The following PCP4L1 variants were observed in gnomAD, a reference collection of about 807,000 sequenced individuals.
PCP4L1 encodes the protein Purkinje cell protein 4 like 1, also known as Purkinje cell protein 4-like protein 1.
In PCP4L1, 9 loss-of-function variants were observed where a neutral mutation model predicts 9.6. That is an observed-to-expected ratio of 0.94 (90% CI 0.57 to 1.64). PCP4L1 has a LOEUF of 1.64. PCP4L1 is among the 40% of genes most tolerant of loss of function. The probability of loss-of-function intolerance (pLI) is 0.00; values close to 1 mark genes in which losing one functional copy is unlikely to be tolerated. For synonymous variants in PCP4L1, 31 were observed against 28.2 expected, an observed-to-expected ratio of 1.10 and a Z score of -0.31; for missense variants, 81 against 80.8, an observed-to-expected ratio of 1.00 and a Z score of -0.01.
intron 1 of PCP4L1, among the ~76,000 whole-genome samples, chr1:161,262,753 A>G (rs1025849363): frequency 6.6e-6 from 1 of 152,196 alleles, no homozygotes; most frequent in Admixed American, 6.6e-5. Context: ...ATGTCTGCCT[A>G]TGGAGGGTCT....
At chr1:161,281,913 G>A (rs12354264) in intron 1 of PCP4L1, among the ~76,000 whole-genome samples, 14 of 151,938 alleles carry the variant, frequency 9.2e-5, no homozygotes, top group Middle Eastern at 6.8e-3. Flanking sequence ...GATGGCGGCC[G>A]GGAAGAGGCG....
At chr1:161,265,049 A>C (rs2102232007) in intron 1 of PCP4L1, among the ~76,000 whole-genome samples, 1 of 152,304 alleles carries the variant, frequency 6.6e-6, no homozygotes, top group East Asian at 1.9e-4. Context: ...GAGTGAAGGA[A>C]GTAGGGAGCC....
At chr1:161,271,009 G>T (rs1209488635) in intron 1 of PCP4L1, among the ~76,000 whole-genome samples, 1 of 152,080 alleles carries the variant, frequency 6.6e-6, no homozygotes, top group African/African-American at 2.4e-5. Flanking sequence ...TCCAGTTTTT[G>T]GCAATTACAA....
At chr1:161,262,433 CAA>C (rs539872397) in intron 1 of PCP4L1, among the ~76,000 whole-genome samples, 2 of 63,154 alleles carry the variant, frequency 3.2e-5, no homozygotes, top group African/African-American at 5.7e-5. Context: ...GACTCCATCT[CAA>C]AAAAAAAAAA....
chr1:161,263,937 TCTCA>T (rs1669464053), intron 1 of PCP4L1, among the ~76,000 whole-genome samples: 2 of 119,154 alleles, frequency 1.7e-5, no homozygotes, highest in Non-Finnish European at 3.3e-5. Context: ...TGAGATGGAG[TCTCA>T]CTCTGTCGCC....
chr1:161,277,402 A>G (rs888930169), intron 1 of PCP4L1, among the ~76,000 whole-genome samples: 1 of 152,150 alleles, frequency 6.6e-6, no homozygotes, highest in African/African-American at 2.4e-5. Flanking sequence ...ACTGTTTTCT[A>G]TTGTGTGATT....
intron 1 of PCP4L1, among the ~76,000 whole-genome samples, chr1:161,265,042 T>C (rs1486426251): frequency 6.6e-6 from 1 of 151,872 alleles, no homozygotes; most frequent in African/African-American, 2.4e-5. Flanking sequence ...CTGATAGGAG[T>C]GAAGGAAGTA....
Position 161,258,853 on chromosome 1 carries a change from C to A in PCP4L1, c.-122C>A, listed in dbSNP as rs1669365551. 10 of 1,424,938 alleles carry A rather than the reference C, an allele frequency of 7.0e-6. No individual in the cohort carries two copies. The highest frequency in any genetic ancestry group is 9.6e-6 in the Non-Finnish European group (10 of 1,047,110). 88.3% of individuals were successfully genotyped at this position (1,424,938 alleles called of 1,614,324 possible). ...CGGCTCTCCGCACTAACTCTCCTCT[C>A]CTGGTCAGCTGTAACCCCTGCCGCA... On this transcript the variant is annotated 5_prime_UTR_variant, in exon 1 of 3. Coordinates refer to ENST00000504449, the MANE Select transcript of PCP4L1 (RefSeq NM_001102566.2).
intron 1 of PCP4L1, among the ~76,000 whole-genome samples, chr1:161,267,648 A>G (rs1571793098): frequency 6.6e-6 from 1 of 152,210 alleles, no homozygotes; most frequent in East Asian, 1.9e-4. Flanking sequence ...TGGCAGCAGG[A>G]AAACAGCACC....
chr1:161,259,331 C>G (rs1460181652), intron 1 of PCP4L1, among the ~76,000 whole-genome samples: 1 of 152,078 alleles, frequency 6.6e-6, no homozygotes, highest in African/African-American at 2.4e-5. Flanking sequence ...CTCCCCTTAC[C>G]CCCCTCACTT....
intron 1 of PCP4L1, among the ~76,000 whole-genome samples, chr1:161,276,779 CATATAA>C (rs1345429093): frequency 2.7e-5 from 4 of 149,628 alleles, no homozygotes; most frequent in Non-Finnish European, 5.9e-5. Flanking sequence ...AAAAAATATA[CATATAA>C]ATATAAACAC....
intron 1 of PCP4L1, among the ~76,000 whole-genome samples, chr1:161,263,968 G>A (rs1188060035): frequency 2.1e-5 from 3 of 141,076 alleles, no homozygotes; most frequent in Non-Finnish European, 4.5e-5. Context: ...GGAGTGCAGT[G>A]GCGCCATTTT....
intron 1 of PCP4L1, among the ~76,000 whole-genome samples, chr1:161,280,890 G>C (rs938174283): frequency 2.0e-5 from 3 of 151,890 alleles, no homozygotes; most frequent in Non-Finnish European, 4.4e-5. Context: ...TTCTCGCAGA[G>C]GGGGATTTGG....
At chr1:161,284,313 T>TTA (rs1456835068) in intron 2 of PCP4L1, 26 bp from the exon 3 acceptor site, 1 of 1,613,956 alleles carries the variant, frequency 6.2e-7, no homozygotes, top group Non-Finnish European at 8.5e-7. Context: ...GATTAACTCA[T>TTA]TAATGAGTCT....
intron 1 of PCP4L1, among the ~76,000 whole-genome samples, chr1:161,263,023 G>A (rs1436573575): frequency 1.3e-5 from 2 of 152,040 alleles, no homozygotes; most frequent in African/African-American, 4.8e-5. Flanking sequence ...TTAGTGATGC[G>A]ATTTTAGATT....
Position 161,272,558 on chromosome 1 carries a change from CAAAA to C in PCP4L1, c.10-11093_10-11090del, listed in dbSNP as rs551047419. Among the ~76,000 whole-genome samples, 303 of 71,846 alleles carry C rather than the reference CAAAA, an allele frequency of 4.2e-3. 2 individuals carry two copies. Among genetic ancestry groups the C allele is most frequent in the Admixed American group, 0.025 (164 of 6,456 alleles). The allele number at this position is 71,846 out of a possible 152,430, so 47.1% of individuals were successfully genotyped here. A position where few individuals can be genotyped will look rare whatever the true frequency, so the allele number is the denominator to read the frequency against. ...GGGCAACAAAAGCGAAACTCCGTCTCAAAAAAAAAAAAAAAAAAAATTGGTATTC... is the reference window on the plus strand; with the variant it reads ...GGGCAACAAAAGCGAAACTCCGTCTCAAAAAAAAAAAAAAAATTGGTATTC... On this transcript the variant is annotated intron_variant, in intron 1 of 2. Coordinates refer to ENST00000504449, the MANE Select transcript of PCP4L1 (RefSeq NM_001102566.2).
chr1:161,267,620 G>A (rs991978148), intron 1 of PCP4L1, among the ~76,000 whole-genome samples: 4 of 152,202 alleles, frequency 2.6e-5, no homozygotes, highest in Non-Finnish European at 4.4e-5. Flanking sequence ...GAGTTATAGG[G>A]GATCTGTTCC....
intron 1 of PCP4L1, among the ~76,000 whole-genome samples, chr1:161,260,442 C>T (rs1275507887): frequency 6.6e-6 from 1 of 152,128 alleles, no homozygotes; most frequent in African/African-American, 2.4e-5. Context: ...TTTTCTTTGC[C>T]CCTTTTCACT....
chr1:161,275,176 G>A (rs1669678138), intron 1 of PCP4L1, among the ~76,000 whole-genome samples: 1 of 152,152 alleles, frequency 6.6e-6, no homozygotes, highest in Admixed American at 6.6e-5. Context: ...CTGCTGATAT[G>A]AGAAGGAATG....
Sources: allele counts gnomAD v4.1 joint callset (sites outside exome capture counted in the v4.1 genomes callset), GRCh38; gene constraint gnomAD v4.1.1; transcripts MANE v1.5; gene names NCBI Gene and HGNC (gene_info 2026-07-23, HGNC 2026-07-21).